ENTHD1: variants seen among roughly 807,000 people sequenced by gnomAD.
ENTHD1 encodes ENTH domain-containing protein 1.
ENTHD1 carries 23 observed loss-of-function variants against 39.1 expected under a neutral mutation model. The ratio of observed to expected loss-of-function variants is 0.59; its 90% CI spans 0.42 to 0.83. The LOEUF is 0.83. ENTHD1 is among the 40% of genes least tolerant of loss of function. The pLI is 0.00. For missense variants in ENTHD1, 624 were observed against 705.4 expected (o/e 0.88, Z 1.31); for synonymous variants, 230 against 258.2 (o/e 0.89, Z 1.05).
chr22:39,868,476 G>A (rs1459713153), intron 2 of ENTHD1, among the ~76,000 whole-genome samples: 3 of 151,906 alleles, frequency 2.0e-5, no homozygotes, highest in African/African-American at 7.3e-5. Context: ...AAGAAAGTCA[G>A]CCAATGAAAT....
At chr22:39,765,736 C>T in intron 5 of ENTHD1, 127 bp from the exon 6 acceptor site, 1 of 958,080 alleles carries the variant, frequency 1.0e-6, no homozygotes, top group South Asian at 1.9e-5. Context: ...ATTTAGCCCT[C>T]TGCTTTCTTA....
At chr22:39,862,874 T>C (rs1372723518) in intron 2 of ENTHD1, among the ~76,000 whole-genome samples, 1 of 152,190 alleles carries the variant, frequency 6.6e-6, no homozygotes, top group East Asian at 1.9e-4. Flanking sequence ...GATTATGCCA[T>C]GAGGTCACCT....
chr22:39,873,847 G>C (rs1055365131), intron 2 of ENTHD1, among the ~76,000 whole-genome samples: 1 of 152,120 alleles, frequency 6.6e-6, no homozygotes, highest in Non-Finnish European at 1.5e-5. Context: ...ATATTCCTTG[G>C]GATAGGCAAG....
intron 5 of ENTHD1, among the ~76,000 whole-genome samples, chr22:39,820,558 C>A (rs1434712391): frequency 6.6e-6 from 1 of 152,180 alleles, no homozygotes; most frequent in Non-Finnish European, 1.5e-5. Context: ...TTATTGGAGG[C>A]TAGTTTTGTA....
chr22:39,767,747 T>A (rs1466685461), intron 5 of ENTHD1, among the ~76,000 whole-genome samples: 1 of 152,210 alleles, frequency 6.6e-6, no homozygotes, highest in Non-Finnish European at 1.5e-5. Flanking sequence ...GATGAAAATA[T>A]TCACAATACT....
intron 2 of ENTHD1, among the ~76,000 whole-genome samples, chr22:39,871,688 T>G (rs2066245317): frequency 6.6e-6 from 1 of 152,202 alleles, no homozygotes; most frequent in East Asian, 1.9e-4. Context: ...ACTAGCCAGC[T>G]GGGTAAAAGT....
At chr22:39,795,255 C>T (rs1569143743) in intron 5 of ENTHD1, among the ~76,000 whole-genome samples, 1 of 152,154 alleles carries the variant, frequency 6.6e-6, no homozygotes, top group Non-Finnish European at 1.5e-5. Context: ...GCTTTAGAAT[C>T]ATGGTAATGC....
chr22:39,840,921 T>G (rs1465322938), intron 3 of ENTHD1, among the ~76,000 whole-genome samples: 1 of 152,030 alleles, frequency 6.6e-6, no homozygotes, highest in African/African-American at 2.4e-5. Flanking sequence ...CCTGGCTAAT[T>G]TTTTGTATTT....
At chr22:39,761,834 T>A (rs2065235710) in intron 6 of ENTHD1, among the ~76,000 whole-genome samples, 1 of 152,168 alleles carries the variant, frequency 6.6e-6, no homozygotes, top group South Asian at 2.1e-4. Flanking sequence ...TAGTTGTGAG[T>A]ACTTTAAGTT....
chr22:39,757,676 CA>C lies in ENTHD1; in HGVS notation c.1219+7546del, dbSNP rs111996926. On this transcript the variant is annotated intron_variant, in intron 6 of 6. Transcript: ENST00000325157. ...TGGGTGACAAAGTGAAACTCCATCT[CA>C]AAAAAAAAAATTTAAAAATTTTAAA... Among the ~76,000 whole-genome samples the C allele has an allele frequency of 3.1e-4, 45 of 145,994 alleles. 1 individual carries two copies. Among genetic ancestry groups the C allele is most frequent in the South Asian group, 1.5e-3 (7 of 4,558 alleles).
chr22:39,865,921 G>T (rs2066178437), intron 2 of ENTHD1, among the ~76,000 whole-genome samples: 1 of 152,188 alleles, frequency 6.6e-6, no homozygotes, highest in Non-Finnish European at 1.5e-5. Flanking sequence ...TCTAGGAAAT[G>T]CTTGCATTTT....
At chr22:39,858,184 T>C (rs1465215615) in intron 3 of ENTHD1, among the ~76,000 whole-genome samples, 2 of 152,248 alleles carry the variant, frequency 1.3e-5, no homozygotes, top group Non-Finnish European at 2.9e-5. Flanking sequence ...GAATTCTTTG[T>C]TGGCATTGCA....
chr22:39,829,115 G>C (rs944340855), intron 4 of ENTHD1, among the ~76,000 whole-genome samples: 18 of 152,236 alleles, frequency 1.2e-4, no homozygotes, highest in African/African-American at 4.3e-4. Context: ...TTTGTCTTCT[G>C]CTACAAGAGC....
intron 6 of ENTHD1, among the ~76,000 whole-genome samples, chr22:39,752,051 A>C (rs1019653218): frequency 1.3e-4 from 19 of 151,956 alleles, no homozygotes; most frequent in African/African-American, 4.6e-4. Context: ...AGAAAGCTTT[A>C]TTTCTCTCTC....
At chr22:39,881,502 A>G (rs1455403160) in intron 2 of ENTHD1, among the ~76,000 whole-genome samples, 2 of 152,192 alleles carry the variant, frequency 1.3e-5, no homozygotes, top group Middle Eastern at 3.2e-3. Context: ...TGTTTTCCCA[A>G]TGTTTTTCCT....
chr22:39,841,768 A>C (rs186431853), intron 3 of ENTHD1, among the ~76,000 whole-genome samples: 6 of 151,518 alleles, frequency 4.0e-5, no homozygotes, highest in Admixed American at 1.3e-4. Context: ...TGTGAATTTG[A>C]TCCTGTCATG....
intron 3 of ENTHD1, among the ~76,000 whole-genome samples, chr22:39,860,025 T>G (rs2066126938): frequency 6.6e-6 from 1 of 152,198 alleles, no homozygotes; most frequent in Non-Finnish European, 1.5e-5. Flanking sequence ...AACCCACCCC[T>G]GTCACTCTGT....
intron 4 of ENTHD1, among the ~76,000 whole-genome samples, chr22:39,830,356 C>T (rs902885513): frequency 8.5e-5 from 13 of 152,080 alleles, no homozygotes; most frequent in Admixed American, 3.3e-4. Flanking sequence ...ATTACAGGTG[C>T]GAGCCACTGT....
chr22:39,865,898 C>A (rs1411217911), intron 2 of ENTHD1, among the ~76,000 whole-genome samples: 5 of 152,180 alleles, frequency 3.3e-5, no homozygotes. Context: ...CTCTCCCCTG[C>A]CATCTCTGCT....
Sources: allele counts gnomAD v4.1 joint callset (sites outside exome capture counted in the v4.1 genomes callset), GRCh38; gene constraint gnomAD v4.1.1; transcripts MANE v1.5; gene names NCBI Gene and HGNC (gene_info 2026-07-23, HGNC 2026-07-21).